Variants in SELENOI observed in about 807,000 individuals in gnomAD.
SELENOI encodes the protein ethanolaminephosphotransferase 1.
SELENOI carries 24 observed loss-of-function variants against 50.7 expected under a neutral mutation model. The ratio of observed to expected loss-of-function variants is 0.47; its 90% confidence interval spans 0.34 to 0.67. The LOEUF (loss-of-function observed/expected upper bound fraction) is 0.67. Ranked by LOEUF, SELENOI falls within the 30% of genes least tolerant of loss-of-function variation. SELENOI has a pLI of 0.01. For synonymous variants in SELENOI, 155 were observed against 170.2 expected (o/e 0.91, Z 0.70); for missense variants, 352 against 461.4 (o/e 0.76, Z 2.17).
At chr2:26,376,140 G>A (rs1394554293) in intron 6 of SELENOI, among the ~76,000 whole-genome samples, 1 of 151,314 alleles carries the variant, frequency 6.6e-6, no homozygotes, top group Non-Finnish European at 1.5e-5. Context: ...TTTCCCATTT[G>A]GTGAACCTTG....
intron 6 of SELENOI, among the ~76,000 whole-genome samples, chr2:26,380,590 G>T (rs1677669836): frequency 6.6e-6 from 1 of 152,180 alleles, no homozygotes; most frequent in African/African-American, 2.4e-5. Context: ...GCAGTGAATA[G>T]TCTTGTACAT....
intron 1 of SELENOI, among the ~76,000 whole-genome samples, chr2:26,361,657 C>CT (rs756091085): frequency 2.1e-3 from 297 of 143,064 alleles, no homozygotes; most frequent in East Asian, 2.6e-3. Context: ...ATCATCATTT[C>CT]TTTTTTTTTT....
chr2:26,350,973 C>G (rs111442998), intron 1 of SELENOI, among the ~76,000 whole-genome samples: 175 of 151,924 alleles, frequency 1.2e-3, no homozygotes, highest in African/African-American at 4.0e-3. Flanking sequence ...TAAATGTGCT[C>G]AGAACACTTA....
At chr2:26,373,775 C>T (rs187895102) in intron 5 of SELENOI, 146 bp downstream of exon 5, 2 of 804,294 alleles carry the variant, frequency 2.5e-6, no homozygotes, top group Admixed American at 6.1e-5. Context: ...TGGAAAATTT[C>T]AAAAATAGAA....
At chr2:26,375,303 A>G (rs1677543838) in intron 6 of SELENOI, among the ~76,000 whole-genome samples, 155 bp downstream of exon 6, 1 of 152,240 alleles carries the variant, frequency 6.6e-6, no homozygotes, top group African/African-American at 2.4e-5. Context: ...CTAACCATTA[A>G]GAAAAATAAG....
intron 1 of SELENOI, among the ~76,000 whole-genome samples, chr2:26,348,086 C>T (rs889067624): frequency 2.0e-5 from 3 of 152,182 alleles, no homozygotes; most frequent in Admixed American, 1.3e-4. Flanking sequence ...TTACTCAATA[C>T]TGCATTTATA....
chr2:26,351,453 G>C (rs568253273), intron 1 of SELENOI, among the ~76,000 whole-genome samples: 1 of 152,190 alleles, frequency 6.6e-6, no homozygotes, highest in East Asian at 1.9e-4. Context: ...TACCGAATGC[G>C]TGTTGCCTTT....
At chr2:26,360,195 ATTC>A (rs1178240948) in intron 1 of SELENOI, among the ~76,000 whole-genome samples, 2 of 152,322 alleles carry the variant, frequency 1.3e-5, no homozygotes, top group South Asian at 2.1e-4. Flanking sequence ...GGTTCAAGTC[ATTC>A]TTCTTCTTGT....
Position 26,383,339 on chromosome 2 carries a change from C to G in SELENOI, c.723C>G (p.Asn241Lys). Residue 241 changes from asparagine (N) to lysine (K), a missense_variant, in exon 7 of 10, where the codon AAC becomes AAG. By Grantham distance (94) the Asn-to-Lys change is moderately conservative. Coordinates refer to ENST00000260585, the MANE Select transcript of SELENOI (RefSeq NM_033505.4). ...LCVTLPMSLL[N>K]FFRSYKNNTL... ...TGACTCTTCCAATGAGTTTATTAAA[C>G]TTTTTCAGGTAAGTATTTTATTTTT... 2 of 1,535,976 alleles carry G rather than the reference C, an allele frequency of 1.3e-6. No individual in the cohort carries two copies. Among genetic ancestry groups the G allele is most frequent in the Non-Finnish European group, 1.8e-6 (2 of 1,132,022 alleles).
intron 1 of SELENOI, among the ~76,000 whole-genome samples, chr2:26,362,577 A>C (rs532164814): frequency 6.6e-6 from 1 of 151,726 alleles, no homozygotes; most frequent in South Asian, 2.1e-4. Flanking sequence ...CCTGGCCAAC[A>C]TGGTGAAACC....
At position 26,395,120 on chromosome 2, in the gene SELENOI, TTGTG is replaced by T. The variant is rs1168496070; in HGVS notation, c.*6022_*6025del. 5.9e-5 allele frequency: 9 copies of T among 152,258 alleles called. No homozygotes were observed. The highest frequency in any genetic ancestry group is 1.2e-4 in the Non-Finnish European group (8 of 68,042). The allele number at this position is 152,258 out of a possible 1,614,324, so 9.4% of individuals were successfully genotyped here. A position where few individuals can be genotyped will look rare whatever the true frequency, so the allele number is the denominator to read the frequency against. On this transcript the variant is annotated 3_prime_UTR_variant, in exon 10 of 10. Coordinates refer to ENST00000260585, the MANE Select transcript of SELENOI (RefSeq NM_033505.4). ...TGTATGTACCATTTATTTTATCTGGTTGTGTGTGATGTGTGTGTATGCCTATTTA... is the reference window on the plus strand; with the variant it reads ...TGTATGTACCATTTATTTTATCTGGTTGTGATGTGTGTGTATGCCTATTTA...
At chr2:26,370,012 G>T (rs1420860917) in intron 4 of SELENOI, among the ~76,000 whole-genome samples, 3 of 149,678 alleles carry the variant, frequency 2.0e-5, no homozygotes, top group Non-Finnish European at 4.4e-5. Context: ...GTGGCCTTCC[G>T]CAGCGTTTGT....
At chr2:26,373,859 C>T (rs74621096) in intron 5 of SELENOI, among the ~76,000 whole-genome samples, 1 of 152,142 alleles carries the variant, frequency 6.6e-6, no homozygotes, top group Non-Finnish European at 1.5e-5. Context: ...GTACCCATTG[C>T]TGAGGCTGAG....
At chr2:26,365,735 A>G (rs1288066330) in intron 3 of SELENOI, among the ~76,000 whole-genome samples, 3 of 151,888 alleles carry the variant, frequency 2.0e-5, no homozygotes, top group African/African-American at 7.3e-5. Context: ...ACCTGGAGAA[A>G]CTGAGTACCA....
At position 26,390,976 on chromosome 2, in the gene SELENOI, T is replaced by C. The variant is rs1558424682; in HGVS notation, c.*1873T>C. 1 of 152,230 alleles carries C rather than the reference T, an allele frequency of 6.6e-6. No individual in the cohort carries two copies. Among genetic ancestry groups the C allele is most frequent in the Non-Finnish European group, 1.5e-5 (1 of 68,036 alleles). The allele number at this position is 152,230 out of a possible 1,614,324, so 9.4% of individuals were successfully genotyped here. ...ACAAGAATGAGATTAATCTGTATTATATAAGAAAAGAACTGATAAATATTT... is the reference window on the plus strand; with the variant it reads ...ACAAGAATGAGATTAATCTGTATTACATAAGAAAAGAACTGATAAATATTT... On this transcript the variant is annotated 3_prime_UTR_variant, in exon 10 of 10. Transcript: ENST00000260585.
chr2:26,349,934 A>C (rs1196329225), intron 1 of SELENOI, among the ~76,000 whole-genome samples: 2 of 59,198 alleles, frequency 3.4e-5, no homozygotes, highest in Admixed American at 1.5e-4. Flanking sequence ...CATCTCCACA[A>C]AAAAAAAAAA....
chr2:26,365,396 G>A (rs1354018262), intron 3 of SELENOI, among the ~76,000 whole-genome samples: 1 of 152,026 alleles, frequency 6.6e-6, no homozygotes. Context: ...GAGGAAGAGA[G>A]GAAGGAGGCA....
At position 26,395,060 on chromosome 2, in the gene SELENOI, GGTCT is replaced by G. The variant is rs1678059276; in HGVS notation, c.*5963_*5966del. The stretch of plus-strand genomic sequence containing the variant: ...AGTTTAATTGAACATATTAGTCATT[GGTCT>G]GTCTGGGACGTGCAGTGTTCATAGT... On this transcript the variant is annotated 3_prime_UTR_variant, in exon 10 of 10. Coordinates refer to ENST00000260585, the MANE Select transcript of SELENOI (RefSeq NM_033505.4). The G allele has an allele frequency of 6.6e-6, 1 of 152,196 alleles. No individual in the cohort carries two copies. Among genetic ancestry groups the G allele is most frequent in the Admixed American group, 6.5e-5 (1 of 15,278 alleles). The allele number at this position is 152,196 out of a possible 1,614,324, so 9.4% of individuals were successfully genotyped here. A position where few individuals can be genotyped will look rare whatever the true frequency, so the allele number is the denominator to read the frequency against.
chr2:26,370,753 C>T (rs1456320370), intron 4 of SELENOI, among the ~76,000 whole-genome samples: 36 of 142,808 alleles, frequency 2.5e-4, no homozygotes, highest in African/African-American at 7.7e-4. Flanking sequence ...GACCCCCCCA[C>T]CTCCCTCCCG....
Sources: gnomAD v4.1 joint callset for allele counts (sites outside exome capture counted in the v4.1 genomes callset) on GRCh38, gnomAD v4.1.1 for gene constraint, MANE v1.5 for transcripts, NCBI Gene and HGNC (gene_info 2026-07-23, HGNC 2026-07-21) for gene names.